TTC28: variants seen among roughly 807,000 people sequenced by gnomAD.
TTC28 encodes tetratricopeptide repeat protein 28.
A neutral mutation model predicts 198.0 loss-of-function variants in TTC28; 61 were observed. That is an observed-to-expected ratio of 0.31 (90% confidence interval 0.25 to 0.38). The LOEUF is 0.38. Among genes scored for constraint, TTC28 ranks in the 10% least tolerant of loss-of-function variants. The pLI is 1.00. For synonymous variants in TTC28, 1,171 were observed against 1,297.8 expected (o/e 0.90, Z 2.10); for missense variants, 2,678 against 3,164.0 (o/e 0.85, Z 3.69).
chr22:28,471,003 G>A (rs1218009146), intron 2 of TTC28, among the ~76,000 whole-genome samples: 1 of 152,154 alleles, frequency 6.6e-6, no homozygotes, highest in Non-Finnish European at 1.5e-5. Flanking sequence ...TATCTTAGAC[G>A]CTCAGTACAA....
rs1021280665 is a variant in TTC28, at chr22:28,423,412, A to C, written c.382-116769T>G. Among the ~76,000 whole-genome samples, 11 of 152,268 alleles carry C rather than the reference A, an allele frequency of 7.2e-5. 1 individual carries two copies. In the South Asian group the frequency reaches 2.3e-3, roughly 32 times the overall value. On this transcript the variant is annotated intron_variant, in intron 2 of 22. Coordinates refer to ENST00000397906, the MANE Select transcript of TTC28 (RefSeq NM_001145418.2). ...ATCAGAAAAAAAGAAAAAAGAAAAA[A>C]GAAAACAACAACAACAACAAAAACA...
intron 2 of TTC28, among the ~76,000 whole-genome samples, chr22:28,405,506 C>A (rs2046986173): frequency 6.6e-6 from 1 of 152,160 alleles, no homozygotes; most frequent in Non-Finnish European, 1.5e-5. Context: ...GTAAAGCACT[C>A]TTGAAGTACA....
At chr22:28,297,489 C>A in intron 4 of TTC28, 91 bp downstream of exon 4, 2 of 1,413,984 alleles carry the variant, frequency 1.4e-6, no homozygotes, top group Non-Finnish European at 1.9e-6. Context: ...ACCAGGCGAT[C>A]ACTTTTCATT....
At chr22:28,040,246 C>T (rs866780218) in intron 12 of TTC28, among the ~76,000 whole-genome samples, 10 of 151,722 alleles carry the variant, frequency 6.6e-5, no homozygotes, top group Non-Finnish European at 1.3e-4. Context: ...ATGAGGCTAG[C>T]ATCATCCTGA....
At chr22:28,063,404 C>G (rs1940627256) in intron 12 of TTC28, among the ~76,000 whole-genome samples, 1 of 152,156 alleles carries the variant, frequency 6.6e-6, no homozygotes. Context: ...AGGCTAAAAG[C>G]CATAAGAATG....
intron 2 of TTC28, among the ~76,000 whole-genome samples, chr22:28,450,526 G>A (rs1034811516): frequency 3.3e-5 from 5 of 151,956 alleles, no homozygotes; most frequent in South Asian, 2.1e-4. Context: ...GTAATTATCC[G>A]CACACAAGCA....
intron 2 of TTC28, among the ~76,000 whole-genome samples, chr22:28,342,588 G>T (rs2045848623): frequency 6.6e-6 from 1 of 152,170 alleles, no homozygotes; most frequent in African/African-American, 2.4e-5. Flanking sequence ...GATAAAAATG[G>T]ACAAAGCAGG....
intron 2 of TTC28, among the ~76,000 whole-genome samples, chr22:28,397,035 A>G (rs1180284240): frequency 6.6e-6 from 1 of 152,190 alleles, no homozygotes; most frequent in East Asian, 1.9e-4. Flanking sequence ...AAACTAATCC[A>G]ATATTAAGAA....
chr22:28,161,817 G>A (rs1479272150), intron 6 of TTC28, among the ~76,000 whole-genome samples: 1 of 146,672 alleles, frequency 6.8e-6, no homozygotes, highest in Non-Finnish European at 1.5e-5. Flanking sequence ...AGGGAAGGAG[G>A]GAAGGAGGGA....
chr22:28,402,771 G>A (rs1043906469), intron 2 of TTC28, among the ~76,000 whole-genome samples: 6 of 152,162 alleles, frequency 3.9e-5, no homozygotes, highest in Admixed American at 6.5e-5. Context: ...GTAAAGCAGC[G>A]TAGGCTTTGC....
At chr22:28,362,964 A>AAACAAAAAACAACAAC (rs2046182470) in intron 2 of TTC28, among the ~76,000 whole-genome samples, 2 of 152,142 alleles carry the variant, frequency 1.3e-5, no homozygotes, top group African/African-American at 4.8e-5. Context: ...CCATAGAAAC[A>AAACAAAAAACAACAAC]AACAAAAAAC....
At chr22:28,434,883 T>C (rs2047494005) in intron 2 of TTC28, among the ~76,000 whole-genome samples, 1 of 152,198 alleles carries the variant, frequency 6.6e-6, no homozygotes, top group Non-Finnish European at 1.5e-5. Context: ...AACTCGGGCT[T>C]GCCTCAACAT....
chr22:28,669,606 A>G (rs1422714963), intron 1 of TTC28, among the ~76,000 whole-genome samples: 1 of 152,196 alleles, frequency 6.6e-6, no homozygotes, highest in Non-Finnish European at 1.5e-5. Context: ...CCTCTGTCCT[A>G]CAATTTGGCA....
chr22:28,224,167 A>G (rs767350860), intron 5 of TTC28, among the ~76,000 whole-genome samples: 9 of 152,140 alleles, frequency 5.9e-5, no homozygotes, highest in African/African-American at 9.7e-5. Flanking sequence ...AGGACCCAGG[A>G]CCACATGTTA....
At chr22:28,670,622 T>C (rs2051863078) in intron 1 of TTC28, among the ~76,000 whole-genome samples, 1 of 151,726 alleles carries the variant, frequency 6.6e-6, no homozygotes, top group Admixed American at 6.6e-5. Flanking sequence ...TTTTCACTTT[T>C]TGGCTTTTAT....
chr22:28,395,359 T>C (rs2046797658), intron 2 of TTC28, among the ~76,000 whole-genome samples: 4 of 152,024 alleles, frequency 2.6e-5, no homozygotes, highest in Admixed American at 2.0e-4. Flanking sequence ...ACAAGTGTGG[T>C]ACTAGAAAAC....
At chr22:28,298,858 C>T (rs572892338) in intron 3 of TTC28, among the ~76,000 whole-genome samples, 1 of 152,284 alleles carries the variant, frequency 6.6e-6, no homozygotes, top group South Asian at 2.1e-4. Context: ...TCACTGGTAA[C>T]CCAGTATCCA....
intron 5 of TTC28, among the ~76,000 whole-genome samples, chr22:28,280,344 G>A (rs1353680393): frequency 1.4e-5 from 2 of 146,984 alleles, no homozygotes; most frequent in African/African-American, 5.0e-5. Flanking sequence ...TTTTTTTTTT[G>A]AGATGGAGTT....
At chr22:28,121,745 A>G (rs1050665548) in intron 6 of TTC28, among the ~76,000 whole-genome samples, 3 of 152,234 alleles carry the variant, frequency 2.0e-5, no homozygotes, top group Non-Finnish European at 4.4e-5. Flanking sequence ...TGGGGCTAGA[A>G]AGCCAAGTAT....
Sources: allele counts gnomAD v4.1 joint callset (sites outside exome capture counted in the v4.1 genomes callset), GRCh38; gene constraint gnomAD v4.1.1; transcripts MANE v1.5; gene names NCBI Gene and HGNC (gene_info 2026-07-23, HGNC 2026-07-21).